The following NSD2 variants were observed in gnomAD, a reference collection of about 807,000 sequenced individuals.
The protein encoded by NSD2 is nuclear receptor binding SET domain protein 2.
Under a neutral mutation model 139.0 loss-of-function variants are expected in NSD2, and 12 were observed. The ratio of observed to expected loss-of-function variants is 0.09; its 90% CI spans 0.06 to 0.14. The LOEUF (loss-of-function observed/expected upper bound fraction) is 0.14. Ranked by LOEUF, NSD2 falls within the 10% of genes least tolerant of loss-of-function variation. The pLI is 1.00. For missense variants in NSD2, 1,155 were observed against 1,745.0 expected, an observed-to-expected ratio of 0.66 and a Z score of 6.02; for synonymous variants, 669 against 648.7, an observed-to-expected ratio of 1.03 and a Z score of -0.48.
chr4:1,970,508 G>A (rs572381643), intron 18 of NSD2, among the ~76,000 whole-genome samples: 4 of 152,284 alleles, frequency 2.6e-5, no homozygotes, highest in Non-Finnish European at 4.4e-5. Flanking sequence ...GGCAGCTGCC[G>A]GGGGTGAGTG....
chr4:1,918,051 A>C, intron 4 of NSD2, 90 bp from the exon 5 acceptor site: 2 of 1,470,420 alleles, frequency 1.4e-6, no homozygotes, highest in Non-Finnish European at 1.8e-6. Context: ...TAAGTGCTGG[A>C]ATTATAGGCA....
Position 1,938,548 on chromosome 4 carries a change from C to A in NSD2, c.1756+16C>A. 6.2e-7 allele frequency: 1 copy of A among 1,602,464 alleles called. No homozygotes were observed. Among genetic ancestry groups the A allele is most frequent in the Non-Finnish European group, 8.5e-7 (1 of 1,174,266 alleles). ...AGCCAGGCAGGTAATGTGGTCAGCG[C>A]CCTTTCCTTCTTGGCTTCTGGGTGC... On this transcript the variant is annotated intron_variant, in intron 8 of 21. Coordinates refer to ENST00000508803, the MANE Select transcript of NSD2 (RefSeq NM_001042424.3).
rs1339532818 is a variant in NSD2, at chr4:1,948,562, T to TG, written c.1882-2507dup. 2.1e-5 allele frequency: 22 copies of TG among 1,064,204 alleles called. No individual in the cohort carries two copies. Among genetic ancestry groups the TG allele is most frequent in the Non-Finnish European group, 2.5e-5 (22 of 877,782 alleles). The allele number at this position is 1,064,204 out of a possible 1,614,324, so 65.9% of individuals were successfully genotyped here. On this transcript the variant is annotated intron_variant, in intron 9 of 21. Transcript: ENST00000508803. The surrounding 1 kb of genome is among the most constrained non-coding windows in gnomAD (Gnocchi z 4.5). The stretch of plus-strand genomic sequence containing the variant: ...GTCCGGTGGCTGGGAGGGGGTGTGG[T>TG]GGGAAAAAGTCGGAATCTCTGCAAT...
At chr4:1,933,636 C>T (rs547599369) in intron 6 of NSD2, among the ~76,000 whole-genome samples, 2 of 152,244 alleles carry the variant, frequency 1.3e-5, no homozygotes, top group East Asian at 3.9e-4. Context: ...CCTCGTGATC[C>T]ACCCACCTCG....
chr4:1,901,012 G>T lies in NSD2; in HGVS notation c.358G>T (p.Gly120Cys). The change falls in exon 2 of 22, where the codon GGC (glycine) becomes TGC (cysteine). Residue 120 changes from glycine (G) to cysteine (C), a missense_variant. Coordinates refer to ENST00000508803, the MANE Select transcript of NSD2 (RefSeq NM_001042424.3). Reference sequence around the variant, plus strand: ...CCCTAACACTACCCCTATCAAAAATGGCTCTCCAGAAATTAAGCTGAAAAT... The same window carrying T: ...CCCTAACACTACCCCTATCAAAAATTGCTCTCCAGAAATTAAGCTGAAAAT... Reference protein sequence around the residue: ...TPPNTTPIKNGSPEIKLKITK... With the variant: ...TPPNTTPIKNCSPEIKLKITK... The T allele has an allele frequency of 6.2e-7, 1 of 1,614,202 alleles. No homozygotes were observed. The highest frequency in any genetic ancestry group is 8.5e-7 in the Non-Finnish European group (1 of 1,180,056).
intron 17 of NSD2, among the ~76,000 whole-genome samples, chr4:1,960,621 C>T (rs1426105913): frequency 6.6e-6 from 1 of 152,224 alleles, no homozygotes; most frequent in East Asian, 1.9e-4. Context: ...AGAAACACCT[C>T]CCCAGCACCC....
chr4:1,941,075 C>T, intron 9 of NSD2: 1 of 1,055,976 alleles, frequency 9.5e-7, no homozygotes, highest in East Asian at 5.3e-5. Flanking sequence ...GAATTATTTA[C>T]TGAAACATCT....
chr4:1,979,617 G>GA lies in NSD2; in HGVS notation c.*709dup. 4.3e-6 allele frequency: 1 copy of GA among 232,764 alleles called. No individual in the cohort carries two copies. Among genetic ancestry groups the GA allele is most frequent in the East Asian group, 6.0e-5 (1 of 16,532 alleles). The allele number at this position is 232,764 out of a possible 1,614,324, so 14.4% of individuals were successfully genotyped here. A position where few individuals can be genotyped will look rare whatever the true frequency, so the allele number is the denominator to read the frequency against. Reference sequence around the variant, plus strand: ...CCACTTTCAACGTGTAGTTTACGCGGAGCACTTTCGAGGCCTGGCCGGGTT... The same window carrying GA: ...CCACTTTCAACGTGTAGTTTACGCGGAAGCACTTTCGAGGCCTGGCCGGGTT... On this transcript the variant is annotated 3_prime_UTR_variant, in exon 22 of 22. Coordinates refer to ENST00000508803, the MANE Select transcript of NSD2 (RefSeq NM_001042424.3).
intron 5 of NSD2, among the ~76,000 whole-genome samples, chr4:1,920,271 G>A (rs1330081618): frequency 6.6e-6 from 1 of 152,002 alleles, no homozygotes; most frequent in Non-Finnish European, 1.5e-5. Context: ...CCTACATGGT[G>A]AAACCTTGTC....
At chr4:1,960,079 GA>G (rs1725220341) in intron 17 of NSD2, among the ~76,000 whole-genome samples, 1 of 151,800 alleles carries the variant, frequency 6.6e-6, no homozygotes, top group Non-Finnish European at 1.5e-5. Flanking sequence ...GGCTCATTTC[GA>G]ACTCCTGGCC....
intron 1 of NSD2, among the ~76,000 whole-genome samples, chr4:1,899,898 GTTCT>G (rs1339800552): frequency 6.6e-6 from 1 of 152,202 alleles, no homozygotes; most frequent in Non-Finnish European, 1.5e-5. Flanking sequence ...TTACTGCTGT[GTTCT>G]TTCTTGTTTA....
chr4:1,934,527 A>G (rs1267490924), intron 6 of NSD2, among the ~76,000 whole-genome samples: 1 of 151,530 alleles, frequency 6.6e-6, no homozygotes, highest in Non-Finnish European at 1.5e-5. Context: ...ACTGGGTTAT[A>G]TTTAAATTTA....
intron 1 of NSD2, among the ~76,000 whole-genome samples, chr4:1,891,191 G>C (rs921138347): frequency 6.6e-6 from 1 of 152,148 alleles, no homozygotes; most frequent in African/African-American, 2.4e-5. Flanking sequence ...ACTGTGCCCC[G>C]CCTACGTGGA....
At chr4:1,932,883 C>T (rs560388837) in intron 6 of NSD2, among the ~76,000 whole-genome samples, 1 of 152,200 alleles carries the variant, frequency 6.6e-6, no homozygotes, top group Admixed American at 6.5e-5. Context: ...TCAAGGACCT[C>T]GCCTGTGGGA....
At chr4:1,881,656 C>T (rs1210950103) in intron 1 of NSD2, among the ~76,000 whole-genome samples, 1 of 152,188 alleles carries the variant, frequency 6.6e-6, no homozygotes, top group African/African-American at 2.4e-5. Context: ...CTGCACCTCC[C>T]AAAGTTCTGG....
At chr4:1,947,543 A>G (rs1285750504) in intron 9 of NSD2, 1 of 1,053,256 alleles carries the variant, frequency 9.5e-7, no homozygotes, top group Admixed American at 5.5e-5. Flanking sequence ...GTTATGAACT[A>G]TAGTATTTTA....
intron 2 of NSD2, among the ~76,000 whole-genome samples, chr4:1,903,096 GA>G (rs1382115927): frequency 1.3e-5 from 2 of 152,204 alleles, no homozygotes; most frequent in African/African-American, 4.8e-5. Flanking sequence ...AAAAAAACAT[GA>G]AAATGTGTCA....
chr4:1,889,979 G>C (rs1343630147), intron 1 of NSD2, among the ~76,000 whole-genome samples: 1 of 152,146 alleles, frequency 6.6e-6, no homozygotes, highest in Non-Finnish European at 1.5e-5. Context: ...CTGTTAAGCA[G>C]TCACTTCCTA....
intron 18 of NSD2, among the ~76,000 whole-genome samples, chr4:1,966,508 T>C (rs1179760224): frequency 1.3e-5 from 2 of 151,878 alleles, no homozygotes; most frequent in Non-Finnish European, 2.9e-5. Flanking sequence ...TACAAAAAAA[T>C]TAGCCGGGCG....
Sources: allele counts gnomAD v4.1 joint callset (sites outside exome capture counted in the v4.1 genomes callset), GRCh38; gene constraint gnomAD v4.1.1; non-coding constraint Gnocchi (gnomAD v3.1); transcripts MANE v1.5; gene names NCBI Gene and HGNC (gene_info 2026-07-23, HGNC 2026-07-21).